OR7C1: variants seen among roughly 807,000 people sequenced by gnomAD.
OR7C1 encodes olfactory receptor 7C1.
For synonymous variants in OR7C1, 152 were observed against 160.7 expected (o/e 0.95, Z 0.41); for missense variants, 324 against 383.3 (o/e 0.85, Z 1.29).
intron 1 of OR7C1, among the ~76,000 whole-genome samples, chr19:14,821,993 A>G (rs2044742997): frequency 6.6e-6 from 1 of 152,182 alleles, no homozygotes; most frequent in Admixed American, 6.5e-5. Flanking sequence ...ATTTAATGTA[A>G]TGTCCTCCAG....
At chr19:14,821,122 C>T (rs1393450222) in intron 1 of OR7C1, among the ~76,000 whole-genome samples, 11 of 152,134 alleles carry the variant, frequency 7.2e-5, no homozygotes, top group Non-Finnish European at 1.2e-4. Flanking sequence ...CCTGTAATCC[C>T]AGCTACTTGG....
chr19:14,805,230 A>G (rs2044660635), intron 2 of OR7C1, among the ~76,000 whole-genome samples: 1 of 151,400 alleles, frequency 6.6e-6, no homozygotes, highest in Non-Finnish European at 1.5e-5. Flanking sequence ...TGCCTGCAAA[A>G]AAAAATCTGA....
At chr19:14,799,740 T>A in exon 5 of OR7C1, 2 of 1,613,858 alleles carry the variant, frequency 1.2e-6, no homozygotes, top group South Asian at 2.2e-5. Context: ...ATGATGACCG[T>A]ATAGTGCAGG....
At chr19:14,828,368 G>C (rs922817074) in intron 1 of OR7C1, 1 of 1,114,938 alleles carries the variant, frequency 9.0e-7, no homozygotes. Context: ...TTTTGTGTAT[G>C]AATCTGGTTC....
chr19:14,832,616 G>A (rs1049293978), intron 1 of OR7C1, among the ~76,000 whole-genome samples: 10 of 151,484 alleles, frequency 6.6e-5, no homozygotes, highest in Admixed American at 5.3e-4. Flanking sequence ...TAATAGAGTC[G>A]GGGTTTCACC....
chr19:14,828,818 A>G (rs2044802718), intron 1 of OR7C1, among the ~76,000 whole-genome samples: 2 of 151,442 alleles, frequency 1.3e-5, no homozygotes, highest in Non-Finnish European at 2.9e-5. Flanking sequence ...AATTTGAGGA[A>G]TATAAATTGA....
chr19:14,814,950 C>T (rs2044709479), intron 1 of OR7C1, among the ~76,000 whole-genome samples: 2 of 152,212 alleles, frequency 1.3e-5, no homozygotes, highest in South Asian at 4.1e-4. Flanking sequence ...CAATTATAAG[C>T]AGGGCCTAAC....
intron 1 of OR7C1, among the ~76,000 whole-genome samples, chr19:14,810,806 G>T (rs2044687800): frequency 6.6e-6 from 1 of 151,872 alleles, no homozygotes; most frequent in Admixed American, 6.6e-5. Context: ...CATTTTGGCT[G>T]CAGAGTTAGC....
chr19:14,830,633 A>G (rs117234263), intron 1 of OR7C1, among the ~76,000 whole-genome samples: 1,853 of 152,326 alleles, frequency 0.012, 16 homozygotes, highest in Non-Finnish European at 0.019. Flanking sequence ...TAACAATAGT[A>G]TTTAATTATG....
intron 1 of OR7C1, chr19:14,826,198 C>A (rs763697432): frequency 6.6e-6 from 1 of 152,156 alleles, no homozygotes; most frequent in Non-Finnish European, 1.5e-5. Flanking sequence ...ACCTGAATCA[C>A]AATTCCCCAT....
At chr19:14,819,041 C>G (rs8113234) in intron 1 of OR7C1, among the ~76,000 whole-genome samples, 6,588 of 152,020 alleles carry the variant, frequency 0.043, 234 homozygotes, top group African/African-American at 0.092. Flanking sequence ...TATATCTCCC[C>G]CCTCCCCCTG....
At chr19:14,825,094 G>T (rs2044759019) in intron 1 of OR7C1, 1 of 152,142 alleles carries the variant, frequency 6.6e-6, no homozygotes, top group South Asian at 2.1e-4. Context: ...AGCCAGGCAT[G>T]GTGGTGTGAG....
intron 2 of OR7C1, among the ~76,000 whole-genome samples, chr19:14,806,157 C>T (rs12610348): frequency 0.16 from 24,895 of 151,768 alleles, 2,228 homozygotes; most frequent in Non-Finnish European, 0.18. Context: ...AATACCTGGG[C>T]AATACCTAGT....
chr19:14,814,519 G>A (rs2044707325), intron 1 of OR7C1, among the ~76,000 whole-genome samples: 1 of 152,112 alleles, frequency 6.6e-6, no homozygotes, highest in African/African-American at 2.4e-5. Flanking sequence ...CACCTCCCGG[G>A]TTCAAGAGAT....
rs1027894548 is a variant in OR7C1, at chr19:14,831,968, G to T, written c.-623+3106C>A. Among the ~76,000 whole-genome samples, 18 of 152,256 alleles carry T rather than the reference G, an allele frequency of 1.2e-4. 1 individual carries two copies. The highest frequency in any genetic ancestry group is 3.4e-3 in the Middle Eastern group (1 of 294). On this transcript the variant is annotated intron_variant, in intron 1 of 4. Transcript: ENST00000641666. ...CTCTTGCTAAAGATGGAGTGCAGTG[G>T]TGCAATCATAGCTCACTGCAGCCTC...
intron 2 of OR7C1, among the ~76,000 whole-genome samples, chr19:14,804,666 C>T (rs1419855888): frequency 6.6e-6 from 1 of 151,652 alleles, no homozygotes; most frequent in Non-Finnish European, 1.5e-5. Flanking sequence ...AAACGAGTCG[C>T]AGGATAACGA....
At chr19:14,827,631 G>C (rs143093089) in intron 1 of OR7C1, 4 of 1,614,012 alleles carry the variant, frequency 2.5e-6, no homozygotes, top group Non-Finnish European at 3.4e-6. Context: ...ACCCAGCAGC[G>C]CAACTGTAAA....
chr19:14,827,609 C>A (rs62122652), intron 1 of OR7C1: 1 of 1,614,122 alleles, frequency 6.2e-7, no homozygotes, highest in Non-Finnish European at 8.5e-7. Flanking sequence ...GGATCCCAGT[C>A]AGGGGACCTC....
chr19:14,819,937 C>T (rs145616774), intron 1 of OR7C1, among the ~76,000 whole-genome samples: 2,389 of 152,206 alleles, frequency 0.016, 60 homozygotes, highest in African/African-American at 0.055. Context: ...GATACAGTCT[C>T]GCTCTGTCAC....
Sources: allele counts gnomAD v4.1 joint callset (sites outside exome capture counted in the v4.1 genomes callset), GRCh38; gene constraint gnomAD v4.1.1; transcripts MANE v1.5; gene names NCBI Gene and HGNC (gene_info 2026-07-23, HGNC 2026-07-21).